Variants in KCTD19 observed in about 807,000 individuals in gnomAD.
The protein encoded by KCTD19 is BTB/POZ domain-containing protein KCTD19.
A neutral mutation model predicts 103.5 loss-of-function variants in KCTD19; 67 were observed. That is an observed-to-expected ratio of 0.65 (90% CI 0.53 to 0.79). KCTD19 has a LOEUF of 0.79. KCTD19 is among the 30% of genes least tolerant of loss of function. The probability of loss-of-function intolerance (pLI) is 0.00; values close to 1 mark genes in which losing one functional copy is unlikely to be tolerated. For missense variants in KCTD19, 980 were observed against 1,136.1 expected, an observed-to-expected ratio of 0.86 and a Z score of 1.98; for synonymous variants, 439 against 452.2, an observed-to-expected ratio of 0.97 and a Z score of 0.37.
intron 2 of KCTD19, among the ~76,000 whole-genome samples, chr16:67,307,584 G>A (rs574643978): frequency 3.7e-4 from 57 of 152,182 alleles, no homozygotes; most frequent in Non-Finnish European, 6.2e-4. Context: ...CCAAAGTACT[G>A]GGATTGCAGG....
chr16:67,326,711 C>A lies in KCTD19; in HGVS notation c.-4G>T, dbSNP rs750658233. 6.3e-7 allele frequency: 1 copy of A among 1,577,046 alleles called. No homozygotes were observed. On this transcript the variant is annotated 5_prime_UTR_variant, in exon 1 of 16. Coordinates refer to ENST00000304372, the MANE Select transcript of KCTD19 (RefSeq NM_001100915.3). Reference sequence around the variant, plus strand: ...GCCAGAGCGGGCTCCGTACCATGGTCGCGGCTCCAGCAGCGGGCGGGCGGG... The same window carrying A: ...GCCAGAGCGGGCTCCGTACCATGGTAGCGGCTCCAGCAGCGGGCGGGCGGG...
chr16:67,308,751 C>A (rs1369128240), intron 2 of KCTD19, among the ~76,000 whole-genome samples: 1 of 152,144 alleles, frequency 6.6e-6, no homozygotes, highest in Non-Finnish European at 1.5e-5. Context: ...AGTTCTTCCC[C>A]CTATACCAAG....
chr16:67,302,761 C>T (rs545846857), intron 4 of KCTD19: 2 of 219,158 alleles, frequency 9.1e-6, no homozygotes, highest in African/African-American at 2.4e-5. Flanking sequence ...AATCTGGATT[C>T]CTCATTTTAT....
In KCTD19 at chr16:67,320,909, T is replaced by A. The variant is rs757446074; in HGVS notation, c.4-24A>T. On this transcript the variant is annotated intron_variant, in intron 1 of 15. Coordinates refer to ENST00000304372, the MANE Select transcript of KCTD19 (RefSeq NM_001100915.3). The surrounding 1 kb of genome is among the most constrained non-coding windows in gnomAD (Gnocchi z 4.0). ...TCCTAAAGGGGGAATGAAAAAGAGA[T>A]CTACGCAAGAAAAAGAAATAAAAAG... 4 of 1,576,540 alleles carry A rather than the reference T, an allele frequency of 2.5e-6. No homozygotes were observed. Among genetic ancestry groups the A allele is most frequent in the Non-Finnish European group, 3.4e-6 (4 of 1,165,038 alleles).
intron 2 of KCTD19, among the ~76,000 whole-genome samples, chr16:67,318,294 G>T (rs2037033846): frequency 6.6e-6 from 1 of 152,172 alleles, no homozygotes. Context: ...GGGCGCGGTG[G>T]CTCATGCCTG....
At chr16:67,305,473 T>C (rs2036881882) in intron 2 of KCTD19, 1 of 366,892 alleles carries the variant, frequency 2.7e-6, no homozygotes, top group African/African-American at 2.2e-5. Context: ...GTCTTCCAAG[T>C]CCAGAGCTTG....
At chr16:67,299,332 G>A (rs752292900) in intron 6 of KCTD19, 31 bp downstream of exon 6, 2 of 1,598,170 alleles carry the variant, frequency 1.3e-6, no homozygotes, top group South Asian at 2.2e-5. Flanking sequence ...CAAGGGTGAT[G>A]GGACTCAGTG....
In KCTD19 at chr16:67,297,606, C is replaced by T. The variant is rs1426953988; in HGVS notation, c.1044G>A (p.Glu348=). 6.2e-7 allele frequency: 1 copy of T among 1,614,106 alleles called. No individual in the cohort carries two copies. Among genetic ancestry groups the T allele is most frequent in the East Asian group, 2.2e-5 (1 of 44,878 alleles). The change falls in exon 7 of 16, where the codon GAG becomes GAA. Residue 348 remains glutamate (E), a synonymous_variant. Transcript: ENST00000304372. ...CCCTTTTGTCTAGGAAGGCACAGAG[C>T]TCATATACCTCGGAAATGGTCTCTG... ...PLTETISEVY[E]LCAFLDKRDI... is the part of the protein sequence containing the mutation.
intron 6 of KCTD19, 98 bp downstream of exon 6, chr16:67,299,265 C>T: frequency 2.7e-6 from 3 of 1,121,338 alleles, no homozygotes; most frequent in South Asian, 1.3e-5. Flanking sequence ...CAAGGACACA[C>T]TTCACCTCTG....
intron 6 of KCTD19, 54 bp downstream of exon 6, chr16:67,299,309 G>GGAAGGGC: frequency 6.5e-7 from 1 of 1,535,832 alleles, no homozygotes; most frequent in Non-Finnish European, 9.0e-7. Flanking sequence ...ATTCCTAGAG[G>GGAAGGGC]GAAGGGCAGA....
intron 6 of KCTD19, among the ~76,000 whole-genome samples, chr16:67,298,293 C>T (rs117853216): frequency 0.011 from 1,675 of 152,092 alleles, 19 homozygotes; most frequent in Admixed American, 0.015. Context: ...GCGCCCAGCC[C>T]GTTTCCTTGT....
intron 4 of KCTD19, chr16:67,302,924 A>G (rs1384774666): frequency 3.1e-5 from 17 of 544,852 alleles, no homozygotes; most frequent in Non-Finnish European, 5.5e-5. Flanking sequence ...CAGCCAGGCC[A>G]TCCCAAAACA....
chr16:67,299,870 C>T, intron 5 of KCTD19: 1 of 446,664 alleles, frequency 2.2e-6, no homozygotes, highest in Non-Finnish European at 4.0e-6. Flanking sequence ...TGGCCCTAGC[C>T]TCTGCAGGAG....
intron 2 of KCTD19, among the ~76,000 whole-genome samples, chr16:67,310,527 T>C (rs1212072447): frequency 3.9e-5 from 6 of 152,234 alleles, no homozygotes; most frequent in Non-Finnish European, 7.3e-5. Flanking sequence ...AGAGAGGATT[T>C]CTTAAGGGAA....
intron 6 of KCTD19, among the ~76,000 whole-genome samples, chr16:67,297,882 C>G (rs2142505639): frequency 6.6e-6 from 1 of 152,250 alleles, no homozygotes; most frequent in South Asian, 2.1e-4. Context: ...CCTTTGCCTC[C>G]CAGGTTCAAG....
Position 67,303,124 on chromosome 16 carries a change from C to G in KCTD19, c.643+22G>C, listed in dbSNP as rs1356939796. The G allele has an allele frequency of 3.8e-6, 2 of 531,130 alleles. No homozygotes were observed. Among genetic ancestry groups the G allele is most frequent in the East Asian group, 6.9e-5 (1 of 14,488 alleles). The allele number at this position is 531,130 out of a possible 1,614,324, so 32.9% of individuals were successfully genotyped here. ...GGGCCCTATCAGCCCGCCCCCCACC[C>G]CACCCCGGACAGAGCAATCACCAAT... On this transcript the variant is annotated intron_variant, in intron 4 of 15. Coordinates refer to ENST00000304372, the MANE Select transcript of KCTD19 (RefSeq NM_001100915.3). The surrounding 1 kb of genome is among the most constrained non-coding windows in gnomAD (Gnocchi z 4.3).
At chr16:67,308,901 G>A (rs1402089947) in intron 2 of KCTD19, among the ~76,000 whole-genome samples, 1 of 152,118 alleles carries the variant, frequency 6.6e-6, no homozygotes, top group Non-Finnish European at 1.5e-5. Context: ...GGGAGGCCGA[G>A]CTGGGCCGAT....
Position 67,304,517 on chromosome 16 carries a change from G to C in KCTD19, c.355C>G (p.Leu119Val). The part of the protein sequence containing the change: ...KHHLRVRPAD[L>V]PVAERASLNY... The stretch of plus-strand genomic sequence containing the variant: ...AGAGATGCTCTCTCAGCAACAGGTA[G>C]GTCTGCAGGCCGTACGCGTAGATGG... The change falls in exon 3 of 16, where the codon CTA becomes GTA. Residue 119 changes from leucine to valine, a missense_variant. Transcript: ENST00000304372. The C allele has an allele frequency of 6.2e-7, 1 of 1,613,992 alleles. No homozygotes were observed. Among genetic ancestry groups the C allele is most frequent in the Admixed American group, 1.7e-5 (1 of 60,008 alleles).
chr16:67,315,134 A>T, intron 2 of KCTD19, among the ~76,000 whole-genome samples: 1 of 150,686 alleles, frequency 6.6e-6, no homozygotes, highest in East Asian at 2.0e-4. Context: ...GCTACCTATA[A>T]CATTTAGAAT....
Sources: gnomAD v4.1 joint callset for allele counts (sites outside exome capture counted in the v4.1 genomes callset) on GRCh38, gnomAD v4.1.1 for gene constraint, Gnocchi (gnomAD v3.1) non-coding constraint, MANE v1.5 for transcripts, NCBI Gene and HGNC (gene_info 2026-07-23, HGNC 2026-07-21) for gene names.